The following LINC01488 variants were observed in gnomAD, a reference collection of about 807,000 sequenced individuals.
LINC01488 encodes CCND1-upstream intergenic DNA repair 1.
chr11:69,487,192 G>A (rs1180493721), intron 1 of LINC01488, among the ~76,000 whole-genome samples: 2 of 152,200 alleles, frequency 1.3e-5, no homozygotes, highest in Non-Finnish European at 2.9e-5. Flanking sequence ...GCTTGGGTGC[G>A]GTGCTTGGAG....
intron 1 of LINC01488, among the ~76,000 whole-genome samples, chr11:69,483,018 G>A (rs1857063657): frequency 6.6e-6 from 1 of 152,162 alleles, no homozygotes; most frequent in Admixed American, 6.5e-5. Flanking sequence ...CGGGGTCCTG[G>A]GAGTTAAGAC....
exon 4 of LINC01488, chr11:69,492,553 T>C (rs1857239953): frequency 6.6e-6 from 1 of 152,188 alleles, no homozygotes; most frequent in South Asian, 2.1e-4. Flanking sequence ...GGAGGACCTA[T>C]GAGCCAAGGA....
intron 1 of LINC01488, among the ~76,000 whole-genome samples, chr11:69,484,741 C>T (rs958259125): frequency 2.6e-5 from 4 of 152,214 alleles, no homozygotes; most frequent in East Asian, 3.8e-4. Flanking sequence ...GATGGGTGGC[C>T]GTGGGCAGGT....
At chr11:69,492,477 G>C (rs1430942795) in exon 4 of LINC01488, 4 of 152,512 alleles carry the variant, frequency 2.6e-5, no homozygotes, top group African/African-American at 7.2e-5. Flanking sequence ...GAGGAGGCAG[G>C]GGGAGCCGAG....
At chr11:69,486,297 C>A (rs1857116012) in intron 1 of LINC01488, among the ~76,000 whole-genome samples, 1 of 152,186 alleles carries the variant, frequency 6.6e-6, no homozygotes, top group African/African-American at 2.4e-5. Flanking sequence ...CCCACTCGGA[C>A]CATCTCAGCC....
At chr11:69,487,686 G>C (rs190738160) in intron 1 of LINC01488, among the ~76,000 whole-genome samples, 1 of 152,308 alleles carries the variant, frequency 6.6e-6, no homozygotes, top group African/African-American at 2.4e-5. Flanking sequence ...GTGCTCCCCA[G>C]GCAGGTGTGG....
rs1213079286 is a variant in LINC01488 at position 69,491,265 on chromosome 11, C to T, written n.400C>T. On this transcript the variant is annotated non_coding_transcript_exon_variant, in exon 3 of 4. Transcript: ENST00000644563. The stretch of plus-strand genomic sequence containing the variant: ...AGATGGCCAGGTTGAGCTTTGCAGG[C>T]TCCAGGGGGAGGATAAAGAGCTGAC... 50 of 152,426 alleles carry T rather than the reference C, an allele frequency of 3.3e-4. 2 individuals carry two copies. Among genetic ancestry groups the T allele is most frequent in the Admixed American group, 3.3e-3 (50 of 15,292 alleles). 9.4% of individuals were successfully genotyped at this position (152,426 alleles called of 1,614,324 possible). A position where few individuals can be genotyped will look rare whatever the true frequency, so the allele number is the denominator to read the frequency against.
chr11:69,488,969 C>T (rs1857170477), intron 1 of LINC01488, among the ~76,000 whole-genome samples: 1 of 152,202 alleles, frequency 6.6e-6, no homozygotes, highest in Admixed American at 6.5e-5. Context: ...GCCACACCTG[C>T]CAAACTGTGG....
In LINC01488 at chr11:69,482,637, GGATA is replaced by G. The variant is rs200664987; in HGVS notation, n.122+858_122+861del. 8.5e-4 allele frequency among the ~76,000 whole-genome samples: 129 copies of G among 152,238 alleles called. 4 individuals carry two copies. The East Asian group carries it at 0.022, about 26-fold the overall frequency. On this transcript the variant is annotated intron_variant and non_coding_transcript_variant, in intron 1 of 3. Transcript: ENST00000644563. ...TGGATGGGTAAATGGATGGATGGAT[GGATA>G]GATGGATGGATGAATGGATGGAAGA...
intron 1 of LINC01488, among the ~76,000 whole-genome samples, chr11:69,486,361 C>T (rs1232533878): frequency 2.0e-5 from 3 of 152,132 alleles, no homozygotes; most frequent in Non-Finnish European, 4.4e-5. Context: ...AACCGGGCCT[C>T]GAAACTTGGC....
intron 1 of LINC01488, among the ~76,000 whole-genome samples, chr11:69,486,967 C>T (rs1318337024): frequency 3.3e-5 from 5 of 152,222 alleles, no homozygotes; most frequent in Admixed American, 6.5e-5. Flanking sequence ...CCTCCTCTTT[C>T]GCGTTAACCC....
chr11:69,487,450 G>A (rs577430570), intron 1 of LINC01488, among the ~76,000 whole-genome samples: 41 of 152,364 alleles, frequency 2.7e-4, no homozygotes, highest in Admixed American at 8.5e-4. Context: ...GGGGGATGAT[G>A]TTCTGAGGTC....
At chr11:69,483,706 T>C (rs930257643) in intron 1 of LINC01488, among the ~76,000 whole-genome samples, 1 of 152,172 alleles carries the variant, frequency 6.6e-6, no homozygotes, top group Non-Finnish European at 1.5e-5. Context: ...CGCACCCCAT[T>C]TTATGCATAT....
chr11:69,485,907 C>T (rs967232630), intron 1 of LINC01488: 13 of 152,226 alleles, frequency 8.5e-5, no homozygotes, highest in African/African-American at 3.1e-4. Context: ...GCATCCTTAG[C>T]TGCAGCAGGG....
chr11:69,486,340 G>A (rs563280735), intron 1 of LINC01488, among the ~76,000 whole-genome samples: 9 of 152,292 alleles, frequency 5.9e-5, no homozygotes, highest in African/African-American at 2.2e-4. Flanking sequence ...CCATCTGGGG[G>A]AGCATCTGAG....
chr11:69,483,259 C>T (rs182979900), intron 1 of LINC01488, among the ~76,000 whole-genome samples: 22 of 152,326 alleles, frequency 1.4e-4, no homozygotes, highest in African/African-American at 5.1e-4. Flanking sequence ...CCATGGACCC[C>T]TCTTCCCAAA....
intron 1 of LINC01488, among the ~76,000 whole-genome samples, chr11:69,482,565 G>C (rs947772376): frequency 9.3e-5 from 14 of 151,326 alleles, no homozygotes; most frequent in African/African-American, 3.2e-4. Flanking sequence ...GTAGGTGGAT[G>C]GATGAGTAGG....
At chr11:69,483,729 C>T (rs962465596) in intron 1 of LINC01488, among the ~76,000 whole-genome samples, 19 of 152,220 alleles carry the variant, frequency 1.2e-4, no homozygotes, top group Admixed American at 1.2e-3. Context: ...GAGAGAAATG[C>T]AGGCGTGATG....
chr11:69,486,497 C>A (rs1026856450), intron 1 of LINC01488, among the ~76,000 whole-genome samples: 4 of 152,230 alleles, frequency 2.6e-5, no homozygotes, highest in African/African-American at 9.6e-5. Context: ...CGTGTCTCTG[C>A]CGCAAGGGGC....
Sources: gnomAD v4.1 joint callset for allele counts (sites outside exome capture counted in the v4.1 genomes callset) on GRCh38, gnomAD v4.1.1 for gene constraint, MANE v1.5 for transcripts, NCBI Gene and HGNC (gene_info 2026-07-23, HGNC 2026-07-21) for gene names.